The following EGFLAM variants were observed in gnomAD, a reference collection of about 807,000 sequenced individuals.
EGFLAM encodes the protein EGF like, fibronectin type III and laminin G domains.
A neutral mutation model predicts 113.1 loss-of-function variants in EGFLAM; 79 were observed. The ratio of observed to expected loss-of-function variants is 0.70; its 90% confidence interval spans 0.58 to 0.84. The LOEUF (loss-of-function observed/expected upper bound fraction) is 0.84. EGFLAM is among the 40% of genes least tolerant of loss of function. The probability of loss-of-function intolerance (pLI) is 0.00; values close to 1 mark genes in which losing one functional copy is unlikely to be tolerated. For synonymous variants in EGFLAM, 504 were observed against 487.6 expected (o/e 1.03, Z -0.44); for missense variants, 1,265 against 1,291.6 (o/e 0.98, Z 0.32).
intron 1 of EGFLAM, among the ~76,000 whole-genome samples, chr5:38,280,149 C>T (rs1757978374): frequency 6.6e-6 from 1 of 152,170 alleles, no homozygotes; most frequent in African/African-American, 2.4e-5. Context: ...TTTTACTTTT[C>T]TGTATGCTTG....
intron 1 of EGFLAM, 37 bp downstream of exon 1, chr5:38,258,888 A>T (rs1254485091): frequency 4.4e-6 from 7 of 1,589,668 alleles, no homozygotes; most frequent in Non-Finnish European, 6.0e-6. Flanking sequence ...CCACGCCCCG[A>T]GCGCCCCTGC....
intron 3 of EGFLAM, among the ~76,000 whole-genome samples, chr5:38,348,368 A>G (rs1205275587): frequency 6.6e-6 from 1 of 152,126 alleles, no homozygotes; most frequent in Non-Finnish European, 1.5e-5. Context: ...GGAAAGACCA[A>G]TCCTTAGACG....
chr5:38,328,568 G>A (rs376764126), intron 1 of EGFLAM, among the ~76,000 whole-genome samples: 34 of 152,172 alleles, frequency 2.2e-4, no homozygotes, highest in African/African-American at 7.9e-4. Context: ...GCAATTTTTC[G>A]AGAGTAGTGC....
At chr5:38,302,338 T>C (rs1758601468) in intron 1 of EGFLAM, among the ~76,000 whole-genome samples, 1 of 151,858 alleles carries the variant, frequency 6.6e-6, no homozygotes, top group African/African-American at 2.4e-5. Context: ...ATGACAAACA[T>C]GGCGTAGACG....
intron 5 of EGFLAM, among the ~76,000 whole-genome samples, chr5:38,356,430 A>G (rs1284767579): frequency 6.6e-6 from 1 of 152,178 alleles, no homozygotes; most frequent in East Asian, 1.9e-4. Context: ...TTTCCATCCT[A>G]CAGTACCACC....
chr5:38,373,721 A>C (rs1301041937), intron 6 of EGFLAM, among the ~76,000 whole-genome samples: 1 of 152,250 alleles, frequency 6.6e-6, no homozygotes, highest in Non-Finnish European at 1.5e-5. Context: ...CTTCATAAAC[A>C]TGCGAGTGCA....
intron 5 of EGFLAM, among the ~76,000 whole-genome samples, chr5:38,354,367 A>G (rs1326531004): frequency 6.6e-6 from 1 of 152,196 alleles, no homozygotes; most frequent in African/African-American, 2.4e-5. Flanking sequence ...TAACATTTAT[A>G]ATTTACTTCC....
intron 20 of EGFLAM, among the ~76,000 whole-genome samples, chr5:38,458,948 G>A (rs981457372): frequency 2.0e-5 from 3 of 151,794 alleles, no homozygotes; most frequent in Admixed American, 1.3e-4. Context: ...ACTCCAGCCT[G>A]GGTGACAGAG....
At chr5:38,279,124 AT>A (rs1164372461) in intron 1 of EGFLAM, among the ~76,000 whole-genome samples, 2 of 152,186 alleles carry the variant, frequency 1.3e-5, no homozygotes, top group Non-Finnish European at 2.9e-5. Context: ...ATGCTCAATA[AT>A]ATCACTAATC....
At chr5:38,363,802 A>G (rs1309733937) in intron 5 of EGFLAM, among the ~76,000 whole-genome samples, 1 of 152,198 alleles carries the variant, frequency 6.6e-6, no homozygotes, top group Non-Finnish European at 1.5e-5. Context: ...AAGTTAAACC[A>G]TGCTGTTGTC....
rs145573999 is a variant in EGFLAM, at chr5:38,308,116, G to A, written c.98-29404G>A. 4.9e-3 allele frequency among the ~76,000 whole-genome samples: 739 copies of A among 152,288 alleles called. 8 individuals carry two copies. The highest frequency in any genetic ancestry group is 0.017 in the African/African-American group (703 of 41,554). Reference sequence around the variant, plus strand: ...GGAATAAACAGACTTCTTCCTCTACGTGCTTTTTAAATAGTCCCTTTCAAA... The same window carrying A: ...GGAATAAACAGACTTCTTCCTCTACATGCTTTTTAAATAGTCCCTTTCAAA... On this transcript the variant is annotated intron_variant, in intron 1 of 21. Coordinates refer to ENST00000322350, the MANE Select transcript of EGFLAM (RefSeq NM_152403.4).
intron 14 of EGFLAM, chr5:38,430,129 C>T (rs559882007): frequency 3.8e-4 from 85 of 221,498 alleles, no homozygotes; most frequent in African/African-American, 1.9e-3. Flanking sequence ...CCAGGACCAC[C>T]ACCAGTTTCC....
intron 1 of EGFLAM, among the ~76,000 whole-genome samples, chr5:38,304,353 C>A (rs746139096): frequency 1.3e-5 from 2 of 152,136 alleles, no homozygotes; most frequent in African/African-American, 4.8e-5. Context: ...GCCAGGCAAT[C>A]CCCTCCCTCT....
chr5:38,330,628 A>G (rs1043680529), intron 1 of EGFLAM, among the ~76,000 whole-genome samples: 4 of 152,214 alleles, frequency 2.6e-5, no homozygotes, highest in Admixed American at 2.6e-4. Context: ...GCAGATACAC[A>G]AGGGATACAA....
chr5:38,442,434 A>T (rs1579937843), intron 17 of EGFLAM, among the ~76,000 whole-genome samples: 1 of 148,360 alleles, frequency 6.7e-6, no homozygotes, highest in East Asian at 1.9e-4. Flanking sequence ...TTTTAATTTA[A>T]TATATTAAAA....
chr5:38,305,975 G>A (rs1758708085), intron 1 of EGFLAM, among the ~76,000 whole-genome samples: 1 of 152,184 alleles, frequency 6.6e-6, no homozygotes, highest in South Asian at 2.1e-4. Context: ...CCTAAATTCA[G>A]TGGGGATGAT....
At chr5:38,436,708 C>G (rs543751184) in intron 16 of EGFLAM, among the ~76,000 whole-genome samples, 6 of 152,344 alleles carry the variant, frequency 3.9e-5, no homozygotes, top group African/African-American at 1.4e-4. Context: ...GAAAGACCAC[C>G]CTCTCTTGCC....
chr5:38,362,765 G>A (rs1267908577), intron 5 of EGFLAM, among the ~76,000 whole-genome samples: 1 of 152,168 alleles, frequency 6.6e-6, no homozygotes, highest in African/African-American at 2.4e-5. Context: ...AAGCTGTCAA[G>A]TCCCTTTGCT....
Position 38,464,235 on chromosome 5 carries a change from TA to T in EGFLAM, c.*250del, listed in dbSNP as rs1743394297. ...GAAGCATCGGACTTTGTCCATTGAA[TA>T]TGTAGCGGCTGCCAGAGATCACACA... is the stretch of plus-strand genomic sequence containing the variant. On this transcript the variant is annotated 3_prime_UTR_variant, in exon 22 of 22. Transcript: ENST00000322350. 1 of 485,442 alleles carries T rather than the reference TA, an allele frequency of 2.1e-6. No individual in the cohort carries two copies. Among genetic ancestry groups the T allele is most frequent in the African/African-American group, 1.9e-5 (1 of 52,222 alleles). The allele number at this position is 485,442 out of a possible 1,614,324, so 30.1% of individuals were successfully genotyped here. A position where few individuals can be genotyped will look rare whatever the true frequency, so the allele number is the denominator to read the frequency against.
Sources: gnomAD v4.1 joint callset for allele counts (sites outside exome capture counted in the v4.1 genomes callset) on GRCh38, gnomAD v4.1.1 for gene constraint, MANE v1.5 for transcripts, NCBI Gene and HGNC (gene_info 2026-07-23, HGNC 2026-07-21) for gene names.